The following PLXDC2 variants were observed in gnomAD, a reference collection of about 807,000 sequenced individuals.
PLXDC2 encodes plexin domain containing 2.
PLXDC2 carries 40 observed loss-of-function variants against 68.9 expected under a neutral mutation model. That is an observed-to-expected ratio of 0.58 (90% confidence interval 0.45 to 0.76). PLXDC2 has a LOEUF of 0.76. Ranked by LOEUF, PLXDC2 falls within the 30% of genes least tolerant of loss-of-function variation. The probability of loss-of-function intolerance (pLI) is 0.00; values close to 1 mark genes in which losing one functional copy is unlikely to be tolerated. For missense variants in PLXDC2, 644 were observed against 661.9 expected, an observed-to-expected ratio of 0.97 and a Z score of 0.30; for synonymous variants, 243 against 234.2, an observed-to-expected ratio of 1.04 and a Z score of -0.34.
chr10:19,965,219 A>G (rs1351172997), intron 1 of PLXDC2, among the ~76,000 whole-genome samples: 2 of 152,174 alleles, frequency 1.3e-5, no homozygotes, highest in Admixed American at 1.3e-4. Flanking sequence ...AAATGTTTCT[A>G]TCACTGGGCA....
At chr10:20,139,217 C>A (rs963285970) in intron 4 of PLXDC2, among the ~76,000 whole-genome samples, 2 of 152,182 alleles carry the variant, frequency 1.3e-5, no homozygotes, top group Admixed American at 1.3e-4. Context: ...TACAACTGAT[C>A]TCAGAATTTG....
chr10:20,275,774 G>A (rs1346627304), intron 13 of PLXDC2, among the ~76,000 whole-genome samples: 4 of 152,190 alleles, frequency 2.6e-5, no homozygotes, highest in East Asian at 3.9e-4. Flanking sequence ...TTAGCTGGGC[G>A]TGGTGGCAGG....
At chr10:20,250,543 G>A (rs570359802) in intron 13 of PLXDC2, among the ~76,000 whole-genome samples, 2 of 152,278 alleles carry the variant, frequency 1.3e-5, no homozygotes, top group Non-Finnish European at 2.9e-5. Context: ...TGAAGCACGG[G>A]CCTTAAGTAA....
At chr10:20,097,390 T>C (rs897611740) in intron 4 of PLXDC2, among the ~76,000 whole-genome samples, 3 of 152,174 alleles carry the variant, frequency 2.0e-5, no homozygotes, top group Non-Finnish European at 2.9e-5. Flanking sequence ...TGAAAACCAA[T>C]ATTCGGTCAG....
chr10:20,110,690 A>C (rs779551058), intron 4 of PLXDC2, among the ~76,000 whole-genome samples: 1 of 152,136 alleles, frequency 6.6e-6, no homozygotes, highest in Non-Finnish European at 1.5e-5. Flanking sequence ...TCCTCCCGGC[A>C]GCTGACCTTG....
At chr10:20,070,153 A>T (rs1836291155) in intron 4 of PLXDC2, among the ~76,000 whole-genome samples, 1 of 152,222 alleles carries the variant, frequency 6.6e-6, no homozygotes, top group Non-Finnish European at 1.5e-5. Context: ...AGATTGGAAA[A>T]GTAGGTTGGG....
intron 2 of PLXDC2, chr10:20,043,432 T>G (rs946359858): frequency 6.6e-6 from 1 of 152,198 alleles, no homozygotes; most frequent in African/African-American, 2.4e-5. Context: ...ATTCATTATT[T>G]AAGCGCAATG....
chr10:20,143,451 T>G, intron 5 of PLXDC2, 34 bp downstream of exon 5: 1 of 1,609,468 alleles, frequency 6.2e-7, no homozygotes, highest in South Asian at 1.1e-5. Flanking sequence ...TTGCTGCATG[T>G]ATATTTTTAA....
At chr10:19,981,882 G>C (rs116080551) in intron 1 of PLXDC2, among the ~76,000 whole-genome samples, 1 of 152,204 alleles carries the variant, frequency 6.6e-6, no homozygotes, top group Non-Finnish European at 1.5e-5. Context: ...TGAAGATGAA[G>C]TGCTAGTCCC....
At chr10:19,993,231 A>G (rs2131630394) in intron 1 of PLXDC2, among the ~76,000 whole-genome samples, 1 of 152,282 alleles carries the variant, frequency 6.6e-6, no homozygotes, top group East Asian at 1.9e-4. Context: ...AAGATGTAGC[A>G]ATACCTTACA....
At chr10:20,023,505 G>A (rs1293462364) in intron 2 of PLXDC2, among the ~76,000 whole-genome samples, 3 of 152,128 alleles carry the variant, frequency 2.0e-5, no homozygotes, top group Admixed American at 2.0e-4. Flanking sequence ...GTTATTGATG[G>A]AGGGGTTTCT....
At chr10:20,232,170 A>G (rs1248655051) in intron 12 of PLXDC2, among the ~76,000 whole-genome samples, 2 of 152,176 alleles carry the variant, frequency 1.3e-5, no homozygotes, top group African/African-American at 2.4e-5. Flanking sequence ...CAAAACATGA[A>G]TGGGATACCA....
At chr10:20,063,327 G>T (rs1462439993) in intron 3 of PLXDC2, among the ~76,000 whole-genome samples, 2 of 152,022 alleles carry the variant, frequency 1.3e-5, no homozygotes, top group African/African-American at 2.4e-5. Flanking sequence ...AAAGACTTGG[G>T]GAGTCAGAAA....
intron 2 of PLXDC2, among the ~76,000 whole-genome samples, chr10:20,026,884 A>C (rs892446952): frequency 3.5e-5 from 5 of 141,232 alleles, no homozygotes; most frequent in Admixed American, 2.9e-4. Context: ...TTTATAATAT[A>C]TTCTAATATA....
intron 1 of PLXDC2, among the ~76,000 whole-genome samples, chr10:19,990,500 C>G (rs1352717138): frequency 3.7e-5 from 1 of 26,676 alleles, no homozygotes; most frequent in African/African-American, 2.2e-4. Context: ...AAAAGAGAAG[C>G]CGCTGGATTC....
chr10:19,849,427 G>A (rs1008409948), intron 1 of PLXDC2, among the ~76,000 whole-genome samples: 3 of 152,078 alleles, frequency 2.0e-5, no homozygotes, highest in Non-Finnish European at 2.9e-5. Context: ...GGCCCCACCC[G>A]AATCTCATCT....
At chr10:20,146,842 G>T (rs11011826) in intron 5 of PLXDC2, among the ~76,000 whole-genome samples, 92,443 of 151,800 alleles carry the variant, frequency 0.61, 28,515 homozygotes, top group Middle Eastern at 0.7. Flanking sequence ...CCATGCAATT[G>T]TAATTTTTAA....
chr10:20,164,402 T>C, intron 6 of PLXDC2, 66 bp from the exon 7 acceptor site: 2 of 1,263,024 alleles, frequency 1.6e-6, no homozygotes, highest in Non-Finnish European at 2.3e-6. Flanking sequence ...AAGAGGATCC[T>C]ACTACCTTTC....
At chr10:19,883,697 GA>G (rs112845416) in intron 1 of PLXDC2, among the ~76,000 whole-genome samples, 14,330 of 149,752 alleles carry the variant, frequency 0.096, 825 homozygotes, top group Admixed American at 0.21. Context: ...CTTCAGACTT[GA>G]AAAAAAAATT....
Sources: allele counts gnomAD v4.1 joint callset (sites outside exome capture counted in the v4.1 genomes callset), GRCh38; gene constraint gnomAD v4.1.1; transcripts MANE v1.5; gene names NCBI Gene and HGNC (gene_info 2026-07-23, HGNC 2026-07-21).